The following LRP2 variants were observed in gnomAD, a reference collection of about 807,000 sequenced individuals.
The protein encoded by LRP2 is low-density lipoprotein receptor-related protein 2.
A neutral mutation model predicts 531.0 loss-of-function variants in LRP2; 172 were observed. The observed-to-expected ratio is 0.32, with a 90% CI of 0.29 to 0.37. The LOEUF (loss-of-function observed/expected upper bound fraction) is 0.37, where lower values mean the gene tolerates loss of function less well. LRP2 is among the 10% of genes least tolerant of loss of function. LRP2 has a pLI of 1.00. For synonymous variants in LRP2, 1,992 were observed against 2,027.6 expected (o/e 0.98, Z 0.47); for missense variants, 5,167 against 5,868.3 (o/e 0.88, Z 3.90).
At position 169,279,354 on chromosome 2, in the gene LRP2, T is replaced by C. The variant is rs527799829; in HGVS notation, c.1565+18A>G. Reference sequence around the variant, plus strand: ...AATTCTAAAAATACAGGAATCAATATGTTTTCACATCACTTACCCAACAGT... The same window carrying C: ...AATTCTAAAAATACAGGAATCAATACGTTTTCACATCACTTACCCAACAGT... On this transcript the variant is annotated intron_variant, in intron 12 of 78. Transcript: ENST00000649046. 20 of 1,574,968 alleles carry C rather than the reference T, an allele frequency of 1.3e-5. No individual in the cohort carries two copies. In the South Asian group the frequency reaches 1.7e-4, roughly 13 times the overall value.
chr2:169,286,686 G>A (rs1297087422), intron 9 of LRP2, among the ~76,000 whole-genome samples: 2 of 152,086 alleles, frequency 1.3e-5, no homozygotes, highest in Non-Finnish European at 2.9e-5. Context: ...CTCTAGGGTG[G>A]AACAAAAAAC....
intron 4 of LRP2, among the ~76,000 whole-genome samples, chr2:169,295,377 A>G (rs759609093): frequency 1.2e-4 from 18 of 152,236 alleles, no homozygotes; most frequent in Admixed American, 2.6e-4. Flanking sequence ...GTGCTTTCAA[A>G]GCACAAATTG....
chr2:169,231,655 G>A (rs1689408707), intron 31 of LRP2, 59 bp downstream of exon 31: 1 of 1,609,864 alleles, frequency 6.2e-7, no homozygotes, highest in Non-Finnish European at 8.5e-7. Flanking sequence ...AGTTTCCACT[G>A]CTTGGCACAA....
At chr2:169,275,331 C>T in intron 13 of LRP2, 93 bp from the exon 14 acceptor site, 1 of 939,778 alleles carries the variant, frequency 1.1e-6, no homozygotes, top group Non-Finnish European at 1.7e-6. Context: ...GCCTGAAAAG[C>T]TAAATAATTT....
chr2:169,130,830 G>A (rs1685258744), intron 77 of LRP2, among the ~76,000 whole-genome samples: 1 of 152,138 alleles, frequency 6.6e-6, no homozygotes, highest in Non-Finnish European at 1.5e-5. Context: ...AGGAACCAAG[G>A]TATTACAAAA....
intron 50 of LRP2, chr2:169,182,682 T>C: frequency 3.1e-6 from 3 of 976,870 alleles, no homozygotes; most frequent in Non-Finnish European, 3.6e-6. Flanking sequence ...AATTACAGTT[T>C]AAATGGTGGA....
intron 1 of LRP2, among the ~76,000 whole-genome samples, chr2:169,357,776 AT>A (rs1686032701): frequency 2.0e-5 from 3 of 152,212 alleles, no homozygotes; most frequent in Admixed American, 2.0e-4. Context: ...ATAATTTAAA[AT>A]TTTAATTTAA....
At chr2:169,228,485 C>A (rs1350913314) in intron 31 of LRP2, among the ~76,000 whole-genome samples, 2 of 152,126 alleles carry the variant, frequency 1.3e-5, no homozygotes, top group East Asian at 3.8e-4. Context: ...TACGTAAGAT[C>A]TGATCCTGCC....
chr2:169,189,574 C>T (rs1687758888), intron 48 of LRP2, among the ~76,000 whole-genome samples: 1 of 152,130 alleles, frequency 6.6e-6, no homozygotes. Flanking sequence ...CAAATTGTCA[C>T]CCCTCAGTCT....
chr2:169,131,653 C>G (rs1161464065), intron 77 of LRP2, among the ~76,000 whole-genome samples: 6 of 152,022 alleles, frequency 3.9e-5, no homozygotes, highest in Non-Finnish European at 8.8e-5. Context: ...TGGGGTCACA[C>G]TGAATTAGGG....
chr2:169,147,267 T>C (rs1685950966), intron 68 of LRP2, among the ~76,000 whole-genome samples: 1 of 152,240 alleles, frequency 6.6e-6, no homozygotes, highest in Non-Finnish European at 1.5e-5. Flanking sequence ...GAAATATTAT[T>C]GAAGGCCTAC....
At position 169,185,943 on chromosome 2, in the gene LRP2, A is replaced by G; in HGVS notation, c.9405T>C (p.Cys3135=). The stretch of plus-strand genomic sequence containing the variant: ...TGAGCTTGTAACCAGGACGACAGGA[A>G]CAATAGAAACTGGTTAAGGTGTCTG... ...NCTDTLTSFY[C]SCRPGYKLMS... Residue 3135 remains cysteine, a synonymous_variant, in exon 50 of 79, where the codon TGT becomes TGC. Coordinates refer to ENST00000649046, the MANE Select transcript of LRP2 (RefSeq NM_004525.3). 1 of 1,614,004 alleles carries G rather than the reference A, an allele frequency of 6.2e-7. No individual in the cohort carries two copies. Among genetic ancestry groups the G allele is most frequent in the Non-Finnish European group, 8.5e-7 (1 of 1,179,960 alleles).
At chr2:169,320,437 G>T (rs1487688216) in intron 2 of LRP2, among the ~76,000 whole-genome samples, 2 of 152,008 alleles carry the variant, frequency 1.3e-5, no homozygotes, top group African/African-American at 4.8e-5. Context: ...GTTCTTGTGG[G>T]TACACAAAAT....
intron 70 of LRP2, among the ~76,000 whole-genome samples, chr2:169,144,865 T>C (rs1253293995): frequency 1.3e-5 from 2 of 152,092 alleles, no homozygotes; most frequent in East Asian, 3.9e-4. Flanking sequence ...CACATATCCA[T>C]AGCATTCAAC....
At chr2:169,221,591 G>A (rs1688999488) in intron 33 of LRP2, among the ~76,000 whole-genome samples, 1 of 152,138 alleles carries the variant, frequency 6.6e-6, no homozygotes, top group Non-Finnish European at 1.5e-5. Context: ...TTTGCATTAA[G>A]GTTTTTCTAT....
At chr2:169,306,704 T>TAGAAAATG (rs11280955) in intron 4 of LRP2, among the ~76,000 whole-genome samples, 3 of 151,238 alleles carry the variant, frequency 2.0e-5, no homozygotes, top group African/African-American at 7.3e-5. Context: ...TACCTGTTAC[T>TAGAAAATG]AGATAATGAA....
At chr2:169,300,169 G>A (rs932048735) in intron 4 of LRP2, among the ~76,000 whole-genome samples, 5 of 152,028 alleles carry the variant, frequency 3.3e-5, no homozygotes, top group African/African-American at 1.2e-4. Context: ...AGGTACTAAA[G>A]AATGAAATAA....
intron 77 of LRP2, among the ~76,000 whole-genome samples, chr2:169,130,664 C>T (rs1685252362): frequency 6.6e-6 from 1 of 152,170 alleles, no homozygotes; most frequent in Non-Finnish European, 1.5e-5. Flanking sequence ...TTCAAATCAA[C>T]CTAGGTGATC....
intron 1 of LRP2, among the ~76,000 whole-genome samples, chr2:169,335,009 T>TA (rs1451430291): frequency 3.3e-5 from 5 of 152,120 alleles, no homozygotes; most frequent in Non-Finnish European, 7.3e-5. Context: ...CCTTGCTTGG[T>TA]AGGATGCTCA....
Sources: allele counts gnomAD v4.1 joint callset (sites outside exome capture counted in the v4.1 genomes callset), GRCh38; gene constraint gnomAD v4.1.1; transcripts MANE v1.5; gene names NCBI Gene and HGNC (gene_info 2026-07-23, HGNC 2026-07-21).